TMEM245: variants seen among roughly 807,000 people sequenced by gnomAD.
The protein encoded by TMEM245 is transmembrane protein 245, also known as protein CG-2.
A neutral mutation model predicts 101.2 loss-of-function variants in TMEM245; 69 were observed. The observed-to-expected ratio is 0.68, with a 90% confidence interval of 0.56 to 0.83. The LOEUF (loss-of-function observed/expected upper bound fraction) is 0.83. Ranked by LOEUF, TMEM245 falls within the 40% of genes least tolerant of loss-of-function variation. The pLI is 0.00. For synonymous variants in TMEM245, 537 were observed against 449.8 expected (o/e 1.19, Z -2.45); for missense variants, 1,075 against 1,092.8 (o/e 0.98, Z 0.23).
chr9:109,024,338 T>A (rs1226179470), intron 17 of TMEM245, among the ~76,000 whole-genome samples: 1 of 152,242 alleles, frequency 6.6e-6, no homozygotes, highest in Non-Finnish European at 1.5e-5. Context: ...TGTCCCATCG[T>A]CTTTTATCAG....
chr9:109,060,727 T>C (rs1029113067), intron 10 of TMEM245, among the ~76,000 whole-genome samples: 1 of 152,208 alleles, frequency 6.6e-6, no homozygotes, highest in African/African-American at 2.4e-5. Context: ...GAAGCCATGA[T>C]TGCTGACTTA....
chr9:109,092,456 G>A (rs1830033529), intron 4 of TMEM245, among the ~76,000 whole-genome samples: 1 of 152,230 alleles, frequency 6.6e-6, no homozygotes, highest in South Asian at 2.1e-4. Context: ...TAAAGCCCAA[G>A]CTAGTTAACA....
At chr9:109,059,823 T>A (rs1222146460) in intron 11 of TMEM245, among the ~76,000 whole-genome samples, 1 of 152,118 alleles carries the variant, frequency 6.6e-6, no homozygotes, top group African/African-American at 2.4e-5. Flanking sequence ...TAGCCACATG[T>A]GGCTACTGAG....
At chr9:109,100,888 GC>G (rs1830266596) in intron 3 of TMEM245, among the ~76,000 whole-genome samples, 1 of 152,162 alleles carries the variant, frequency 6.6e-6, no homozygotes, top group Non-Finnish European at 1.5e-5. Context: ...ATTATCTTAA[GC>G]TTTTGGGAAA....
chr9:109,018,084 T>A lies in TMEM245; in HGVS notation c.*2376A>T, dbSNP rs1042242991. Reference sequence around the variant, plus strand: ...ATTCTCTTAAAGACCTCTAAGAACCTGATATTTATGCTAATAATTACCCAG... The same window carrying A: ...ATTCTCTTAAAGACCTCTAAGAACCAGATATTTATGCTAATAATTACCCAG... On this transcript the variant is annotated 3_prime_UTR_variant, in exon 18 of 18. Coordinates refer to ENST00000374586, the MANE Select transcript of TMEM245 (RefSeq NM_032012.4). The A allele has an allele frequency of 2.6e-5, 4 of 152,216 alleles. No homozygotes were observed. The highest frequency in any genetic ancestry group is 9.6e-5 in the African/African-American group (4 of 41,458). The allele number at this position is 152,216 out of a possible 1,614,324, so 9.4% of individuals were successfully genotyped here. A position where few individuals can be genotyped will look rare whatever the true frequency, so the allele number is the denominator to read the frequency against.
intron 8 of TMEM245, 69 bp from the exon 9 acceptor site, chr9:109,073,507 ACT>A: frequency 8.2e-7 from 1 of 1,219,504 alleles, no homozygotes. Flanking sequence ...TTATTTTTCT[ACT>A]CTATTATTGG....
Position 109,091,143 on chromosome 9 carries a change from C to T in TMEM245, c.929G>A (p.Arg310Lys), listed in dbSNP as rs778877244. The T allele has an allele frequency of 2.5e-6, 4 of 1,613,252 alleles. No homozygotes were observed. The highest frequency in any genetic ancestry group is 1.7e-5 in the Admixed American group (1 of 59,940). ...GGACAACGTTGGAGCGGATTCTCCC[C>T]TGTCCACTGCTTCTGAAAAGGAAAA... Reference protein sequence around the residue: ...PSTQPAEAVDRGESAPTLSTS... With the variant: ...PSTQPAEAVDKGESAPTLSTS... Residue 310 changes from arginine to lysine, a missense_variant, in exon 5 of 18, where the codon AGG (arginine) becomes AAG (lysine). By Grantham distance (26) the Arg-to-Lys change is conservative. Transcript: ENST00000374586.
At chr9:109,067,402 T>G (rs533886164) in intron 9 of TMEM245, among the ~76,000 whole-genome samples, 1 of 152,156 alleles carries the variant, frequency 6.6e-6, no homozygotes, top group African/African-American at 2.4e-5. Context: ...CCCTACTCAC[T>G]CAAGAGGGAT....
chr9:109,104,120 T>C (rs2132628048), intron 3 of TMEM245, among the ~76,000 whole-genome samples: 1 of 152,118 alleles, frequency 6.6e-6, no homozygotes, highest in East Asian at 1.9e-4. Flanking sequence ...GAGTAAGACC[T>C]AGTATTTGAT....
At chr9:109,061,422 C>G (rs1021266515) in intron 10 of TMEM245, among the ~76,000 whole-genome samples, 1 of 152,170 alleles carries the variant, frequency 6.6e-6, no homozygotes, top group Non-Finnish European at 1.5e-5. Context: ...TGCCTATTTA[C>G]ATAGAGACAA....
intron 8 of TMEM245, among the ~76,000 whole-genome samples, chr9:109,073,875 T>TC (rs1829414442): frequency 6.7e-6 from 1 of 149,668 alleles, no homozygotes; most frequent in Non-Finnish European, 1.5e-5. Flanking sequence ...TTTTTTTTTT[T>TC]AGCCAGGTTC....
intron 8 of TMEM245, among the ~76,000 whole-genome samples, chr9:109,080,258 G>T (rs1829628990): frequency 6.6e-6 from 1 of 152,078 alleles, no homozygotes; most frequent in Admixed American, 6.5e-5. Flanking sequence ...ATAAAAGTGG[G>T]GGGGAAATCT....
chr9:109,085,950 C>T (rs925348447), intron 7 of TMEM245, 47 bp downstream of exon 7: 1 of 1,595,202 alleles, frequency 6.3e-7, no homozygotes, highest in Non-Finnish European at 8.6e-7. Context: ...GATACAGGGG[C>T]ATTACGGAAT....
At chr9:109,085,772 C>T (rs1337983376) in intron 7 of TMEM245, among the ~76,000 whole-genome samples, 3 of 152,228 alleles carry the variant, frequency 2.0e-5, no homozygotes, top group Non-Finnish European at 2.9e-5. Context: ...TTCTTACAAA[C>T]ACCTGAGCAA....
chr9:109,041,211 T>TAA (rs1828292270), intron 14 of TMEM245, among the ~76,000 whole-genome samples: 2 of 152,162 alleles, frequency 1.3e-5, no homozygotes, highest in African/African-American at 2.4e-5. Flanking sequence ...ACTGACCTAG[T>TAA]GCACAGTAGA....
chr9:109,107,504 G>GC (rs1284179317), intron 2 of TMEM245, among the ~76,000 whole-genome samples: 3 of 151,322 alleles, frequency 2.0e-5, no homozygotes, highest in African/African-American at 7.3e-5. Flanking sequence ...CTGCCTGCCT[G>GC]CCTCCCTCCT....
At chr9:109,052,686 G>C (rs1234366386) in intron 12 of TMEM245, among the ~76,000 whole-genome samples, 6 of 152,080 alleles carry the variant, frequency 3.9e-5, no homozygotes, top group African/African-American at 1.4e-4. Flanking sequence ...TTGACTGTTT[G>C]ACCTCGTGGG....
chr9:109,021,153 T>C (rs1266493664), intron 17 of TMEM245, among the ~76,000 whole-genome samples: 1 of 152,230 alleles, frequency 6.6e-6, no homozygotes, highest in Non-Finnish European at 1.5e-5. Flanking sequence ...ATGAAGTGTC[T>C]ATCTCAGTAC....
At chr9:109,083,916 A>AAAAACAAAAAAC (rs1829751280) in intron 7 of TMEM245, among the ~76,000 whole-genome samples, 2 of 132,584 alleles carry the variant, frequency 1.5e-5, no homozygotes, top group East Asian at 5.1e-4. Flanking sequence ...AAAAAAAAAA[A>AAAAACAAAAAAC]AAAAAAAAAA....
Sources: allele counts gnomAD v4.1 joint callset (sites outside exome capture counted in the v4.1 genomes callset), GRCh38; gene constraint gnomAD v4.1.1; transcripts MANE v1.5; gene names NCBI Gene and HGNC (gene_info 2026-07-23, HGNC 2026-07-21).